The following PCDHGA10 variants were observed in gnomAD, a reference collection of about 807,000 sequenced individuals.
The protein encoded by PCDHGA10 is protocadherin gamma subfamily A, 10, also known as protocadherin gamma-A10.
A neutral mutation model predicts 59.5 loss-of-function variants in PCDHGA10; 42 were observed. The observed-to-expected ratio is 0.71, with a 90% CI of 0.55 to 0.91. PCDHGA10 has a LOEUF of 0.91. PCDHGA10 is among the 40% of genes least tolerant of loss of function. The pLI is 0.00. For synonymous variants in PCDHGA10, 511 were observed against 517.2 expected (o/e 0.99, Z 0.16); for missense variants, 1,111 against 1,198.2 (o/e 0.93, Z 1.07).
chr5:141,470,708 A>T (rs1293545270), intron 1 of PCDHGA10, among the ~76,000 whole-genome samples: 1 of 151,804 alleles, frequency 6.6e-6, no homozygotes. Flanking sequence ...TTTTTATTTT[A>T]TTTTTTTGAG....
At chr5:141,460,088 A>C (rs1225262213) in intron 1 of PCDHGA10, among the ~76,000 whole-genome samples, 2 of 151,990 alleles carry the variant, frequency 1.3e-5, no homozygotes, top group Non-Finnish European at 2.9e-5. Flanking sequence ...AAAAATAATA[A>C]TTATACATGT....
At chr5:141,415,702 GC>G (rs754496290) in intron 1 of PCDHGA10, 91 bp downstream of exon 1, 1 of 1,403,056 alleles carries the variant, frequency 7.1e-7, no homozygotes, top group South Asian at 1.3e-5. Context: ...AAGTGTAAAT[GC>G]TAAAACACTG....
At chr5:141,418,265 G>A (rs2096242953) in intron 1 of PCDHGA10, 1 of 1,614,062 alleles carries the variant, frequency 6.2e-7, no homozygotes, top group East Asian at 2.2e-5. Context: ...ATTCCGGAAA[G>A]ATGAAATAAA....
intron 3 of PCDHGA10, among the ~76,000 whole-genome samples, chr5:141,507,772 A>C (rs2099863177): frequency 6.6e-6 from 1 of 152,332 alleles, no homozygotes; most frequent in South Asian, 2.1e-4. Flanking sequence ...TGGCCCACAC[A>C]GGGCCTGACC....
Position 141,432,124 on chromosome 5 carries a change from C to G in PCDHGA10, c.2436+16513C>G, listed in dbSNP as rs1286909667. On this transcript the variant is annotated intron_variant, in intron 1 of 3. Transcript: ENST00000398610. The surrounding 1 kb of genome is among the most constrained non-coding windows in gnomAD (Gnocchi z 6.0). ...ACAACCCGCCGGTCTTCCCTCAGGC[C>G]TCCTATTCCGCTTATATCCCAGAGA... 6.2e-7 allele frequency: 1 copy of G among 1,614,156 alleles called. No homozygotes were observed. The highest frequency in any genetic ancestry group is 1.1e-5 in the South Asian group (1 of 91,066).
At chr5:141,467,214 G>A (rs1333148694) in intron 1 of PCDHGA10, among the ~76,000 whole-genome samples, 1 of 151,856 alleles carries the variant, frequency 6.6e-6, no homozygotes, top group Admixed American at 6.6e-5. Context: ...CACCATGCCT[G>A]GCTAATTTTT....
rs769074023 is a variant in PCDHGA10, at chr5:141,491,738, G to A, written c.2437-3069G>A. ...GCGCCGCCCCGGGCGACCCCTGGGG[G>A]CGGCACTGGAGAAGCCGCCCGTCCT... On this transcript the variant is annotated intron_variant, in intron 1 of 3. Transcript: ENST00000398610. The surrounding 1 kb of genome is among the most constrained non-coding windows in gnomAD (Gnocchi z 6.9). 6.2e-7 allele frequency: 1 copy of A among 1,600,346 alleles called. No homozygotes were observed. The highest frequency in any genetic ancestry group is 8.5e-7 in the Non-Finnish European group (1 of 1,174,196).
Position 141,415,476 on chromosome 5 carries a change from G to C in PCDHGA10, c.2301G>C (p.Ser767=). The change falls in exon 1 of 4, where the codon TCG becomes TCC. Residue 767 remains serine (S), a synonymous_variant. Coordinates refer to ENST00000398610, the MANE Select transcript of PCDHGA10 (RefSeq NM_018913.3). Reference sequence around the variant, plus strand: ...ACGAGGTCTCTCTCACCGCGGACTCGCGAAAGAGTCACCTGATCTTCCCCC... The same window carrying C: ...ACGAGGTCTCTCTCACCGCGGACTCCCGAAAGAGTCACCTGATCTTCCCCC... ...YSHEVSLTAD[S]RKSHLIFPQP... 1 of 1,614,194 alleles carries C rather than the reference G, an allele frequency of 6.2e-7. No homozygotes were observed. The highest frequency in any genetic ancestry group is 8.5e-7 in the Non-Finnish European group (1 of 1,180,034).
rs183968443 is a variant in PCDHGA10 at position 141,495,033 on chromosome 5, G to A, written c.2495+168G>A. On this transcript the variant is annotated intron_variant, in intron 2 of 3. Coordinates refer to ENST00000398610, the MANE Select transcript of PCDHGA10 (RefSeq NM_018913.3). ...GGGGCTGGCACACAGACCCCGGAAG[G>A]AAGAGGCGACTGCCCTGACTGTTCA... is the stretch of plus-strand genomic sequence containing the variant. 1.4e-3 allele frequency: 1,380 copies of A among 968,234 alleles called. 4 individuals are homozygous for A. Among genetic ancestry groups the A allele is most frequent in the Middle Eastern group, 5.3e-3 (10 of 1,888 alleles). 60.0% of individuals were successfully genotyped at this position (968,234 alleles called of 1,614,324 possible).
chr5:141,509,059 C>T (rs1313349089), intron 3 of PCDHGA10, among the ~76,000 whole-genome samples: 2 of 152,182 alleles, frequency 1.3e-5, no homozygotes, highest in Non-Finnish European at 2.9e-5. Flanking sequence ...CCAGAAAGCT[C>T]TCAGCTCCGG....
rs773474154 is a variant in PCDHGA10, at chr5:141,477,751, G to A, written c.2437-17056G>A. The A allele has an allele frequency of 5.0e-6, 8 of 1,613,712 alleles. No individual in the cohort carries two copies. The highest frequency in any genetic ancestry group is 6.8e-6 in the Non-Finnish European group (8 of 1,180,030). ...CTCATATCAGCGATGGGGGCACCCC[G>A]GTCCTAGCCACCAACATCAGCGTGA... On this transcript the variant is annotated intron_variant, in intron 1 of 3. Transcript: ENST00000398610. The surrounding 1 kb of genome is among the most constrained non-coding windows in gnomAD (Gnocchi z 4.9).
chr5:141,510,958 G>A lies in PCDHGA10; in HGVS notation c.2596G>A (p.Gly866Arg). 6.2e-7 allele frequency: 1 copy of A among 1,614,130 alleles called. No homozygotes were observed. Among genetic ancestry groups the A allele is most frequent in the Non-Finnish European group, 8.5e-7 (1 of 1,180,012 alleles). The change falls in exon 4 of 4, where the codon GGG becomes AGG. Residue 866 changes from glycine to arginine, a missense_variant. Transcript: ENST00000398610. The stretch of plus-strand genomic sequence containing the variant: ...CTCTGTCTCTGCAGAAGCTGCTGAT[G>A]GGAGCTCCACCCTGGGAGGGGGTGC... ...ILASASEAAD[G>R]SSTLGGGAGT...
intron 1 of PCDHGA10, chr5:141,418,730 G>A (rs371887408): frequency 6.2e-6 from 10 of 1,613,832 alleles, no homozygotes; most frequent in African/African-American, 1.3e-5. Context: ...AGCTCAGCAC[G>A]TGTTCTCTCT....
intron 1 of PCDHGA10, among the ~76,000 whole-genome samples, chr5:141,469,671 A>G (rs1285283342): frequency 1.3e-5 from 2 of 152,236 alleles, no homozygotes; most frequent in Non-Finnish European, 2.9e-5. Flanking sequence ...TTCTAATAAA[A>G]CTACATATGC....
At position 141,512,815 on chromosome 5, in the gene PCDHGA10, A is replaced by AC. The variant is rs1215322144; in HGVS notation, c.*1647dup. ...TGTGCTGTGTCCACGCGCTAAGGCG[A>AC]CCCCCTCCCCCGTACTGACTTCTCC... is the stretch of plus-strand genomic sequence containing the variant. On this transcript the variant is annotated 3_prime_UTR_variant, in exon 4 of 4. Coordinates refer to ENST00000398610, the MANE Select transcript of PCDHGA10 (RefSeq NM_018913.3). The AC allele has an allele frequency of 6.7e-6, 1 of 149,682 alleles. No homozygotes were observed. The highest frequency in any genetic ancestry group is 1.5e-5 in the Non-Finnish European group (1 of 67,474). 9.3% of individuals were successfully genotyped at this position (149,682 alleles called of 1,614,324 possible).
At position 141,415,074 on chromosome 5, in the gene PCDHGA10, G is replaced by C; in HGVS notation, c.1899G>C (p.Ala633=). 3 of 1,613,448 alleles carry C rather than the reference G, an allele frequency of 1.9e-6. No homozygotes were observed. In the South Asian group the frequency reaches 3.3e-5, roughly 18 times the overall value. The change falls in exon 1 of 4, where the codon GCG becomes GCC. Residue 633 remains alanine, a synonymous_variant. Coordinates refer to ENST00000398610, the MANE Select transcript of PCDHGA10 (RefSeq NM_018913.3). ...VGEHTGEVRT[A]RALLDRDALK... is the part of the protein sequence containing the mutation. ...AGCACACGGGCGAGGTGCGCACGGCGCGAGCCCTGCTGGACAGAGACGCGC... is the reference window on the plus strand; with the variant it reads ...AGCACACGGGCGAGGTGCGCACGGCCCGAGCCCTGCTGGACAGAGACGCGC...
chr5:141,450,107 A>G (rs1228532939), intron 1 of PCDHGA10, among the ~76,000 whole-genome samples: 3 of 150,976 alleles, frequency 2.0e-5, no homozygotes, highest in Non-Finnish European at 4.4e-5. Flanking sequence ...CCCAGGTTCA[A>G]ATGATTCTCC....
intron 1 of PCDHGA10, among the ~76,000 whole-genome samples, chr5:141,437,491 T>C (rs1428543921): frequency 6.6e-6 from 1 of 152,184 alleles, no homozygotes; most frequent in Non-Finnish European, 1.5e-5. Flanking sequence ...ATCTCGTAGA[T>C]CACTTTTCAA....
At chr5:141,444,774 AT>A (rs2098446962) in intron 1 of PCDHGA10, among the ~76,000 whole-genome samples, 1 of 152,018 alleles carries the variant, frequency 6.6e-6, no homozygotes, top group Non-Finnish European at 1.5e-5. Context: ...TATATTCTTG[AT>A]CATGTTTCAT....
Sources: allele counts gnomAD v4.1 joint callset (sites outside exome capture counted in the v4.1 genomes callset), GRCh38; gene constraint gnomAD v4.1.1; non-coding constraint Gnocchi (gnomAD v3.1); transcripts MANE v1.5; gene names NCBI Gene and HGNC (gene_info 2026-07-23, HGNC 2026-07-21).